Variants in CACNB1 observed in about 807,000 individuals in gnomAD.
CACNB1 encodes calcium voltage-gated channel auxiliary subunit beta 1, also known as voltage-dependent L-type calcium channel subunit beta-1.
CACNB1 carries 29 observed loss-of-function variants against 71.6 expected under a neutral mutation model. The ratio of observed to expected loss-of-function variants is 0.40; its 90% CI spans 0.30 to 0.55. The LOEUF (loss-of-function observed/expected upper bound fraction) is 0.55. CACNB1 is among the 20% of genes least tolerant of loss of function. The pLI is 0.38. For synonymous variants in CACNB1, 300 were observed against 319.6 expected (o/e 0.94, Z 0.65); for missense variants, 623 against 801.8 (o/e 0.78, Z 2.69).
In CACNB1 at chr17:39,174,730, G is replaced by C. The variant is rs1381169363; in HGVS notation, c.*463C>G. On this transcript the variant is annotated 3_prime_UTR_variant, in exon 14 of 14. Coordinates refer to ENST00000394303, the MANE Select transcript of CACNB1 (RefSeq NM_000723.5). ...AGGGGCAGGCAGGGTGAGGGACCTT[G>C]GATCTGGGGTCTGGGGAAGAGAGCC... The C allele has an allele frequency of 6.4e-6, 1 of 157,198 alleles. No individual in the cohort carries two copies. Among genetic ancestry groups the C allele is most frequent in the Non-Finnish European group, 1.4e-5 (1 of 71,174 alleles). The allele number at this position is 157,198 out of a possible 1,614,324, so 9.7% of individuals were successfully genotyped here. A position where few individuals can be genotyped will look rare whatever the true frequency, so the allele number is the denominator to read the frequency against.
chr17:39,184,135 G>A lies in CACNB1; in HGVS notation c.794C>T (p.Ser265Phe). 1.2e-6 allele frequency: 2 copies of A among 1,606,512 alleles called. No homozygotes were observed. Among genetic ancestry groups the A allele is most frequent in the East Asian group, 2.2e-5 (1 of 44,840 alleles). ...FLKHRFDGRI[S>F]ITRVTADISL... ...AATATCTGCCGTCACACGAGTGATG[G>A]AGATCCTGGGGAATGGGGCAAGAGG... The change falls in exon 10 of 14, where the codon TCC (serine) becomes TTC (phenylalanine). Residue 265 changes from serine to phenylalanine, a missense_variant. Physicochemically the swap from Ser to Phe is radical, Grantham distance 155. Transcript: ENST00000394303.
Position 39,186,562 on chromosome 17 carries a change from C to A in CACNB1, c.562G>T (p.Asp188Tyr), listed in dbSNP as rs765258268. ...TCTCCCAGACTGGAACTGGAGTTAT[C>A]GCCTGATTTGCTGTGTGGGCAGAGG... is the stretch of plus-strand genomic sequence containing the variant. ...QNRLGSSKSG[D>Y]NSSSSLGDVV... The change falls in exon 6 of 14, where the codon GAT (aspartate) becomes TAT (tyrosine). Residue 188 changes from aspartate (D) to tyrosine (Y), a missense_variant. Transcript: ENST00000394303. The surrounding 1 kb of genome is among the most constrained non-coding windows in gnomAD (Gnocchi z 4.1). 3 of 1,613,572 alleles carry A rather than the reference C, an allele frequency of 1.9e-6. No individual in the cohort carries two copies. The South Asian group carries it at 3.3e-5, about 18-fold the overall frequency.
In CACNB1 at chr17:39,183,779, G is replaced by A. The variant is rs1332051470; in HGVS notation, c.984C>T (p.His328=). The A allele has an allele frequency of 6.2e-7, 1 of 1,613,878 alleles. No individual in the cohort carries two copies. The highest frequency in any genetic ancestry group is 1.3e-5 in the African/African-American group (1 of 74,908). ...GCGAGGTCTTGGACAGCTGGGCTGG[G>A]TGATTGATGGTGTCAGCATCCAGAG... ...LVALDADTIN[H]PAQLSKTSLA... Residue 328 remains histidine (H), a synonymous_variant, in exon 11 of 14, where the codon CAC becomes CAT. Transcript: ENST00000394303.
chr17:39,189,626 G>A lies in CACNB1; in HGVS notation c.291+1848C>T, dbSNP rs532487928. Among the ~76,000 whole-genome samples, 6 of 150,902 alleles carry A rather than the reference G, an allele frequency of 4.0e-5. No individual in the cohort carries two copies. The South Asian group carries it at 1.3e-3, about 32-fold the overall frequency. On this transcript the variant is annotated intron_variant, in intron 3 of 13. Coordinates refer to ENST00000394303, the MANE Select transcript of CACNB1 (RefSeq NM_000723.5). The stretch of plus-strand genomic sequence containing the variant: ...CAATTCTCCTGCCTCAGCCTCCCAA[G>A]TAGCTGGGATTACAGGCATGCGCCA...
chr17:39,175,148 C>T lies in CACNB1; in HGVS notation c.*45G>A, dbSNP rs1395904536. The T allele has an allele frequency of 1.3e-6, 2 of 1,490,260 alleles. No individual in the cohort carries two copies. 92.3% of individuals were successfully genotyped at this position (1,490,260 alleles called of 1,614,324 possible). ...GTGTGAGCCCCTCGCTCCCTCCCCT[C>T]CCCTGGGCTCAGAGCCCTTCCTCCC... On this transcript the variant is annotated 3_prime_UTR_variant, in exon 14 of 14. Transcript: ENST00000394303. This position sits in a 1 kb window ranked among gnomAD's most constrained non-coding sequence, Gnocchi z 4.7.
chr17:39,186,207 GA>G lies in CACNB1; in HGVS notation c.628+288del. Reference sequence around the variant, plus strand: ...TACAGAACGCAGGGATGGGGATGGGGAAAAAAGAAAGAAGAAGAGGTGAATG... The same window carrying G: ...TACAGAACGCAGGGATGGGGATGGGGAAAAAGAAAGAAGAAGAGGTGAATG... On this transcript the variant is annotated intron_variant, in intron 6 of 13. Transcript: ENST00000394303. This position sits in a 1 kb window ranked among gnomAD's most constrained non-coding sequence, Gnocchi z 4.1. 2 of 967,844 alleles carry G rather than the reference GA, an allele frequency of 2.1e-6. No homozygotes were observed. The highest frequency in any genetic ancestry group is 3.2e-6 in the Non-Finnish European group (2 of 626,742). 60.0% of individuals were successfully genotyped at this position (967,844 alleles called of 1,614,324 possible).
At position 39,186,495 on chromosome 17, in the gene CACNB1, C is replaced by A; in HGVS notation, c.628+1G>T. 1 of 1,611,660 alleles carries A rather than the reference C, an allele frequency of 6.2e-7. No homozygotes were observed. Among genetic ancestry groups the A allele is most frequent in the Non-Finnish European group, 8.5e-7 (1 of 1,178,316 alleles). ...AACCCCTGCATGGCGATGGCTCTTACCACTGGCAGGGGGTGTGGGGCGGCG... is the reference window on the plus strand; with the variant it reads ...AACCCCTGCATGGCGATGGCTCTTAACACTGGCAGGGGGTGTGGGGCGGCG... On this transcript the variant is annotated splice_donor_variant, in intron 6 of 13. Coordinates refer to ENST00000394303, the MANE Select transcript of CACNB1 (RefSeq NM_000723.5). LOFTEE classifies it high-confidence loss of function. The surrounding 1 kb of genome is among the most constrained non-coding windows in gnomAD (Gnocchi z 4.1).
In CACNB1 at chr17:39,184,034, G is replaced by A; in HGVS notation, c.895C>T (p.Leu299=). 6.2e-7 allele frequency: 1 copy of A among 1,609,040 alleles called. No individual in the cohort carries two copies. Among genetic ancestry groups the A allele is most frequent in the South Asian group, 1.1e-5 (1 of 90,974 alleles). Residue 299 remains leucine, a synonymous_variant, in exon 10 of 14, where the codon CTG becomes TTG. Coordinates refer to ENST00000394303, the MANE Select transcript of CACNB1 (RefSeq NM_000723.5). Reference sequence around the variant, plus strand: ...AAGACAGCAGGAGTAGGCTCACCCAGGCTGGAGCGTGTGTTGGAGCGCTCA... The same window carrying A: ...AAGACAGCAGGAGTAGGCTCACCCAAGCTGGAGCGTGTGTTGGAGCGCTCA... ...IIERSNTRSS[L]AEVQSEIERI...
intron 11 of CACNB1, among the ~76,000 whole-genome samples, chr17:39,179,280 C>CA (rs35292368): frequency 0.087 from 4,162 of 48,092 alleles, 205 homozygotes; most frequent in African/African-American, 0.14. Context: ...GACTCCGTCT[C>CA]AAAAAAAAAA....
chr17:39,187,678 G>T, intron 3 of CACNB1, 77 bp from the exon 4 acceptor site: 1 of 1,497,946 alleles, frequency 6.7e-7, no homozygotes, highest in Non-Finnish European at 9.3e-7. Context: ...GACAGTAGTG[G>T]TGGTTACTTG....
chr17:39,181,155 G>A (rs1233928354), intron 11 of CACNB1, among the ~76,000 whole-genome samples: 2 of 151,992 alleles, frequency 1.3e-5, no homozygotes, highest in Non-Finnish European at 2.9e-5. Context: ...GTGCAGTGAT[G>A]CAATCTCGGC....
At position 39,186,205 on chromosome 17, in the gene CACNB1, G is replaced by C; in HGVS notation, c.628+291C>G. On this transcript the variant is annotated intron_variant, in intron 6 of 13. Transcript: ENST00000394303. The surrounding 1 kb of genome is among the most constrained non-coding windows in gnomAD (Gnocchi z 4.1). The stretch of plus-strand genomic sequence containing the variant: ...AGTACAGAACGCAGGGATGGGGATG[G>C]GGAAAAAAGAAAGAAGAAGAGGTGA... 4 of 994,422 alleles carry C rather than the reference G, an allele frequency of 4.0e-6. No homozygotes were observed. Among genetic ancestry groups the C allele is most frequent in the Non-Finnish European group, 6.2e-6 (4 of 648,828 alleles). 61.6% of individuals were successfully genotyped at this position (994,422 alleles called of 1,614,324 possible). A position where few individuals can be genotyped will look rare whatever the true frequency, so the allele number is the denominator to read the frequency against.
In CACNB1 at chr17:39,186,131, A is replaced by C; in HGVS notation, c.628+365T>G. The C allele has an allele frequency of 1.2e-6, 2 of 1,607,854 alleles. No homozygotes were observed. The highest frequency in any genetic ancestry group is 1.7e-6 in the Non-Finnish European group (2 of 1,175,274). On this transcript the variant is annotated intron_variant, in intron 6 of 13. Transcript: ENST00000394303. The surrounding 1 kb of genome is among the most constrained non-coding windows in gnomAD (Gnocchi z 4.1). ...TGGACCGGAGAGTCAGGAGAGAGGG[A>C]GGAGGGAGGCGAGGTGGGGAGAAGG...
chr17:39,179,489 G>A (rs1597687320), intron 11 of CACNB1, among the ~76,000 whole-genome samples: 1 of 151,228 alleles, frequency 6.6e-6, no homozygotes, highest in African/African-American at 2.4e-5. Context: ...GCTGAGGCAG[G>A]AGAACGGCGT....
chr17:39,175,563 G>C lies in CACNB1; in HGVS notation c.1427C>G (p.Pro476Arg), dbSNP rs758077263. The change falls in exon 14 of 14, where the codon CCA becomes CGA. Residue 476 changes from proline to arginine, a missense_variant. Pro to Arg is a moderately radical substitution (Grantham distance 103, BLOSUM62 -2). Transcript: ENST00000394303. This position sits in a 1 kb window ranked among gnomAD's most constrained non-coding sequence, Gnocchi z 4.7. ...TGGGTGGCTGCTGGGGTAAAGGCCTGGGGGCTGGCCCAGCTCCCCTGGGTA... is the reference window on the plus strand; with the variant it reads ...TGGGTGGCTGCTGGGGTAAAGGCCTCGGGGCTGGCCCAGCTCCCCTGGGTA... The part of the protein sequence containing the change: ...HEYPGELGQP[P>R]GLYPSSHPPG... The C allele has an allele frequency of 6.2e-7, 1 of 1,613,098 alleles. No homozygotes were observed. The highest frequency in any genetic ancestry group is 1.3e-5 in the African/African-American group (1 of 74,916).
chr17:39,185,204 C>A, intron 6 of CACNB1, 54 bp from the exon 7 acceptor site: 1 of 1,452,322 alleles, frequency 6.9e-7, no homozygotes, highest in East Asian at 2.3e-5. Flanking sequence ...GGAAGGGGAC[C>A]CAGGCAGGGG....
chr17:39,187,619 GGGAGGATGGCAACTAGAGGGC>G lies in CACNB1; in HGVS notation c.292-39_292-19del. 6.2e-7 allele frequency: 1 copy of G among 1,614,012 alleles called. No homozygotes were observed. Among genetic ancestry groups the G allele is most frequent in the Non-Finnish European group, 8.5e-7 (1 of 1,179,878 alleles). On this transcript the variant is annotated intron_variant, in intron 3 of 13. Transcript: ENST00000394303. ...GGCTTGGTCTAGAGGAGGCACACAGGGGAGGATGGCAACTAGAGGGCAAACCACAATGTAATGTACAACTTC... is the reference window on the plus strand; with the variant it reads ...GGCTTGGTCTAGAGGAGGCACACAGGAAACCACAATGTAATGTACAACTTC...
At chr17:39,188,313 C>T (rs960636421) in intron 3 of CACNB1, among the ~76,000 whole-genome samples, 11 of 151,500 alleles carry the variant, frequency 7.3e-5, no homozygotes, top group African/African-American at 2.2e-4. Context: ...TGGTGGCTCA[C>T]GCCTGTAATC....
At position 39,194,126 on chromosome 17, in the gene CACNB1, C is replaced by T. The variant is rs2046153058; in HGVS notation, c.171+758G>A. The stretch of plus-strand genomic sequence containing the variant: ...CGCCTTTTCCTTGTCTAATCCCAAG[C>T]CCCTCTCGCCTTTTTTGGGTACCAG... On this transcript the variant is annotated intron_variant, in intron 2 of 13. Coordinates refer to ENST00000394303, the MANE Select transcript of CACNB1 (RefSeq NM_000723.5). The surrounding 1 kb of genome is among the most constrained non-coding windows in gnomAD (Gnocchi z 4.6). 6.6e-6 allele frequency among the ~76,000 whole-genome samples: 1 copy of T among 152,134 alleles called. No homozygotes were observed. The highest frequency in any genetic ancestry group is 1.5e-5 in the Non-Finnish European group (1 of 68,020).
Sources: allele counts gnomAD v4.1 joint callset (sites outside exome capture counted in the v4.1 genomes callset), GRCh38; gene constraint gnomAD v4.1.1; non-coding constraint Gnocchi (gnomAD v3.1); transcripts MANE v1.5; gene names NCBI Gene and HGNC (gene_info 2026-07-23, HGNC 2026-07-21).